CASKIN1: variants seen among roughly 807,000 people sequenced by gnomAD.
CASKIN1 encodes the protein caskin-1.
CASKIN1 carries 42 observed loss-of-function variants against 117.5 expected under a neutral mutation model. The ratio of observed to expected loss-of-function variants is 0.36; its 90% CI spans 0.28 to 0.46. The LOEUF (loss-of-function observed/expected upper bound fraction) is 0.46, where lower values mean the gene tolerates loss of function less well. CASKIN1 is among the 20% of genes least tolerant of loss of function. The pLI, the probability that CASKIN1 is intolerant of heterozygous loss-of-function variation, is 1.00. For synonymous variants in CASKIN1, 1,148 were observed against 961.7 expected, an observed-to-expected ratio of 1.19 and a Z score of -3.59; for missense variants, 2,083 against 2,077.3, an observed-to-expected ratio of 1.00 and a Z score of -0.05.
rs147640396 is a variant in CASKIN1 at position 2,194,450 on chromosome 16, G to A, written c.94+1889C>T. On this transcript the variant is annotated intron_variant, in intron 1 of 19. Transcript: ENST00000343516. ...GGGTGACTCTGGAGCAGGGGCTGGA[G>A]GGAAGGGACTGGGCAACCAGAGGGG... Among the ~76,000 whole-genome samples, 36 of 152,278 alleles carry A rather than the reference G, an allele frequency of 2.4e-4. No homozygotes were observed. The East Asian group carries it at 6.9e-3, about 29-fold the overall frequency.
chr16:2,190,285 C>T (rs1056088139), intron 2 of CASKIN1, 22 bp downstream of exon 2: 3 of 1,576,900 alleles, frequency 1.9e-6, no homozygotes, highest in African/African-American at 2.7e-5. Context: ...TCCAGGCAGG[C>T]ACCACCCGGC....
intron 19 of CASKIN1, 81 bp downstream of exon 19, chr16:2,178,813 TCTCTGCCG>T (rs2093154872): frequency 7.7e-7 from 1 of 1,294,740 alleles, no homozygotes; most frequent in African/African-American, 1.7e-5. Flanking sequence ...GCCCCGCCCA[TCTCTGCCG>T]AGCCCCGCCC....
intron 6 of CASKIN1, 35 bp from the exon 7 acceptor site, chr16:2,187,496 C>A: frequency 6.4e-7 from 1 of 1,569,086 alleles, no homozygotes; most frequent in Non-Finnish European, 8.7e-7. Flanking sequence ...GCGGGGCCTT[C>A]CAGCAGGAGG....
intron 1 of CASKIN1, among the ~76,000 whole-genome samples, chr16:2,192,585 C>G (rs907562403): frequency 6.6e-6 from 1 of 152,140 alleles, no homozygotes; most frequent in Non-Finnish European, 1.5e-5. Flanking sequence ...TGTGCACGTG[C>G]GGCCTCCTCT....
intron 1 of CASKIN1, among the ~76,000 whole-genome samples, chr16:2,191,980 C>T (rs564336924): frequency 2.6e-5 from 4 of 152,344 alleles, no homozygotes; most frequent in South Asian, 2.1e-4. Flanking sequence ...ACACCCACCC[C>T]GTCGGGGTTC....
chr16:2,185,186 G>A lies in CASKIN1; in HGVS notation c.1164C>T (p.Ser388=), dbSNP rs775623947. Residue 388 remains serine, a synonymous_variant, in exon 12 of 20, where the codon AGC becomes AGT. Transcript: ENST00000343516. The part of the protein sequence containing the change: ...LRKPFAGGDR[S]GSISGMAGGR... ...CGCCAGCCATGCCGCTAATGCTGCC[G>A]CTTCGGTCCCCACCTGCCAGCACAA... is the stretch of plus-strand genomic sequence containing the variant. 4.7e-5 allele frequency: 75 copies of A among 1,610,626 alleles called. No homozygotes were observed. Among genetic ancestry groups the A allele is most frequent in the South Asian group, 4.4e-4 (40 of 90,904 alleles).
Position 2,184,773 on chromosome 16 carries a change from G to A in CASKIN1, c.1416+4C>T, listed in dbSNP as rs779491904. 4 of 1,514,680 alleles carry A rather than the reference G, an allele frequency of 2.6e-6. No homozygotes were observed. Among genetic ancestry groups the A allele is most frequent in the Non-Finnish European group, 3.5e-6 (4 of 1,131,998 alleles). 93.8% of individuals were successfully genotyped at this position (1,514,680 alleles called of 1,614,324 possible). On this transcript the variant is annotated splice_donor_region_variant and intron_variant, in intron 14 of 19. Transcript: ENST00000343516. ...CACGCTGAGAACACCCCCAAGCCCTGTACCTTGCCCTCCGATGCTGGCTCC... is the reference window on the plus strand; with the variant it reads ...CACGCTGAGAACACCCCCAAGCCCTATACCTTGCCCTCCGATGCTGGCTCC...
rs200421858 is a variant in CASKIN1 at position 2,184,985 on chromosome 16, C to T, written c.1290G>A (p.Gly430=). The change falls in exon 13 of 20, where the codon GGG becomes GGA. Residue 430 remains glycine, a synonymous_variant. Coordinates refer to ENST00000343516, the MANE Select transcript of CASKIN1 (RefSeq NM_020764.4). ...CTTCCGGAGGCTTGGCGGGGCTGTC[C>T]CCCGGGCCGGACTCAGAGACGGACT... ...SQKSVSESGP[G]DSPAKPPEGS... is the part of the protein sequence containing the mutation. The T allele has an allele frequency of 1.3e-4, 213 of 1,608,024 alleles. No homozygotes were observed. The African/African-American group carries it at 2.6e-3, about 20-fold the overall frequency.
rs150462363 is a variant in CASKIN1 at position 2,192,822 on chromosome 16, T to C, written c.95-2464A>G. ...CAAGGGGACAAGGGCCGTCATCTGTTCTGCTCACGGAGGAATCCTCGGTGG... is the reference window on the plus strand; with the variant it reads ...CAAGGGGACAAGGGCCGTCATCTGTCCTGCTCACGGAGGAATCCTCGGTGG... On this transcript the variant is annotated intron_variant, in intron 1 of 19. Coordinates refer to ENST00000343516, the MANE Select transcript of CASKIN1 (RefSeq NM_020764.4). 9.2e-5 allele frequency among the ~76,000 whole-genome samples: 14 copies of C among 152,268 alleles called. No homozygotes were observed. In the East Asian group the frequency reaches 2.7e-3, roughly 29 times the overall value.
rs1477922919 is a variant in CASKIN1, at chr16:2,185,101, C to T, written c.1239+10G>A. ...CTGGCCACCCTGGCCCTGGCCACTA[C>T]CCCACCTACCTTGACGCCTTCAGAG... On this transcript the variant is annotated intron_variant, in intron 12 of 19. Coordinates refer to ENST00000343516, the MANE Select transcript of CASKIN1 (RefSeq NM_020764.4). The T allele has an allele frequency of 1.2e-6, 2 of 1,609,192 alleles. No homozygotes were observed. Among genetic ancestry groups the T allele is most frequent in the African/African-American group, 1.3e-5 (1 of 74,924 alleles).
At position 2,190,185 on chromosome 16, in the gene CASKIN1, G is replaced by C. The variant is rs776443250; in HGVS notation, c.147-15C>G. 27 of 1,612,530 alleles carry C rather than the reference G, an allele frequency of 1.7e-5. No homozygotes were observed. Among genetic ancestry groups the C allele is most frequent in the Non-Finnish European group, 2.3e-5 (27 of 1,179,688 alleles). On this transcript the variant is annotated splice_polypyrimidine_tract_variant and intron_variant, in intron 2 of 19. Transcript: ENST00000343516. ...GAGCCGAGAAGCTGGCACGTGCAGA[G>C]GACACATAGAGCAGAGGCCCTGGCG...
intron 6 of CASKIN1, among the ~76,000 whole-genome samples, chr16:2,188,038 C>G (rs1397124072): frequency 1.4e-5 from 2 of 146,384 alleles, no homozygotes; most frequent in African/African-American, 5.0e-5. Flanking sequence ...CATGTGTGAC[C>G]ATTCCCAGCT....
chr16:2,190,554 C>T (rs115836010), intron 1 of CASKIN1, among the ~76,000 whole-genome samples, 196 bp from the exon 2 acceptor site: 1,544 of 152,338 alleles, frequency 0.01, 20 homozygotes, highest in African/African-American at 0.033. Context: ...GCCAGCTGCT[C>T]GGGCCTTGGT....
Position 2,196,131 on chromosome 16 carries a change from C to A in CASKIN1, c.94+208G>T, listed in dbSNP as rs1043387422. ...CGCCAGGTGCCCGCTGCGGGGCTCA[C>A]GGTGGCGGCCGGCTCTCGGGGCCGC... On this transcript the variant is annotated intron_variant, in intron 1 of 19. Coordinates refer to ENST00000343516, the MANE Select transcript of CASKIN1 (RefSeq NM_020764.4). This position sits in a 1 kb window ranked among gnomAD's most constrained non-coding sequence, Gnocchi z 5.7. 6.6e-6 allele frequency among the ~76,000 whole-genome samples: 1 copy of A among 151,990 alleles called. No individual in the cohort carries two copies. The highest frequency in any genetic ancestry group is 1.5e-5 in the Non-Finnish European group (1 of 67,928).
chr16:2,181,730 T>A, intron 17 of CASKIN1, 61 bp downstream of exon 17: 2 of 1,521,380 alleles, frequency 1.3e-6, no homozygotes, highest in East Asian at 4.8e-5. Flanking sequence ...GGCTGGTGGC[T>A]GGTGGCTGGG....
rs753354494 is a variant in CASKIN1 at position 2,179,678 on chromosome 16, G to C, written c.3690C>G (p.Pro1230=). 47 of 1,521,908 alleles carry C rather than the reference G, an allele frequency of 3.1e-5. No homozygotes were observed. The Admixed American group carries it at 6.2e-4, about 20-fold the overall frequency. 94.3% of individuals were successfully genotyped at this position (1,521,908 alleles called of 1,614,324 possible). The change falls in exon 18 of 20, where the codon CCC becomes CCG. Residue 1230 remains proline (P), a synonymous_variant. Coordinates refer to ENST00000343516, the MANE Select transcript of CASKIN1 (RefSeq NM_020764.4). This position sits in a 1 kb window ranked among gnomAD's most constrained non-coding sequence, Gnocchi z 5.8. ...GCTTGGGCACAGGCTGCGTCAGGACGGGCTTGGGAGAGACAGGCGGCTTGG... is the reference window on the plus strand; with the variant it reads ...GCTTGGGCACAGGCTGCGTCAGGACCGGCTTGGGAGAGACAGGCGGCTTGG... ...KPAKPPVSPK[P]VLTQPVPKLQ... is the part of the protein sequence containing the mutation.
At chr16:2,185,256 T>TG (rs1253995157) in intron 11 of CASKIN1, 51 bp downstream of exon 11, 4 of 1,599,690 alleles carry the variant, frequency 2.5e-6, no homozygotes, top group Non-Finnish European at 3.4e-6. Context: ...GGCCCCACGG[T>TG]GGTGCCTTGT....
rs2093171626 is a variant in CASKIN1, at chr16:2,182,651, G to C, written c.1630-722C>G. Among the ~76,000 whole-genome samples, 1 of 152,236 alleles carries C rather than the reference G, an allele frequency of 6.6e-6. No individual in the cohort carries two copies. Among genetic ancestry groups the C allele is most frequent in the African/African-American group, 2.4e-5 (1 of 41,470 alleles). ...GTGAGTGCAGACCCACGCGCCAGGT[G>C]GCTTTTGACAGCCACCGATCGCCTC... On this transcript the variant is annotated intron_variant, in intron 16 of 19. Coordinates refer to ENST00000343516, the MANE Select transcript of CASKIN1 (RefSeq NM_020764.4). The surrounding 1 kb of genome is among the most constrained non-coding windows in gnomAD (Gnocchi z 4.1).
At chr16:2,185,913 G>C (rs375420505) in intron 10 of CASKIN1, among the ~76,000 whole-genome samples, 2 of 152,334 alleles carry the variant, frequency 1.3e-5, no homozygotes, top group African/African-American at 4.8e-5. Context: ...CCCAGCTCTT[G>C]CCTGCCTCAG....
Sources: gnomAD v4.1 joint callset for allele counts (sites outside exome capture counted in the v4.1 genomes callset) on GRCh38, gnomAD v4.1.1 for gene constraint, Gnocchi (gnomAD v3.1) non-coding constraint, MANE v1.5 for transcripts, NCBI Gene and HGNC (gene_info 2026-07-23, HGNC 2026-07-21) for gene names.